Variants in LIG1 observed in about 807,000 individuals in gnomAD.
LIG1 encodes the protein ligase I, DNA, ATP-dependent.
Under a neutral mutation model 115.7 loss-of-function variants are expected in LIG1, and 70 were observed. That is an observed-to-expected ratio of 0.60 (90% CI 0.50 to 0.74). The LOEUF is 0.74. Ranked by LOEUF, LIG1 falls within the 30% of genes least tolerant of loss-of-function variation. The pLI is 0.00. For missense variants in LIG1, 1,115 were observed against 1,225.6 expected (o/e 0.91, Z 1.35); for synonymous variants, 487 against 495.3 (o/e 0.98, Z 0.22).
In LIG1 at chr19:48,137,180, C is replaced by T. The variant is rs1434712933; in HGVS notation, c.1255-96G>A. ...GCTGCTGCCCTGCATTTTGGAATACCTGCCCTCCTTCCCTCACCCCATCCC... is the reference window on the plus strand; with the variant it reads ...GCTGCTGCCCTGCATTTTGGAATACTTGCCCTCCTTCCCTCACCCCATCCC... On this transcript the variant is annotated intron_variant, in intron 13 of 27. Transcript: ENST00000263274. This position sits in a 1 kb window ranked among gnomAD's most constrained non-coding sequence, Gnocchi z 4.3. 2 of 1,047,038 alleles carry T rather than the reference C, an allele frequency of 1.9e-6. No homozygotes were observed. Among genetic ancestry groups the T allele is most frequent in the Non-Finnish European group, 2.9e-6 (2 of 687,636 alleles). The allele number at this position is 1,047,038 out of a possible 1,614,324, so 64.9% of individuals were successfully genotyped here. A position where few individuals can be genotyped will look rare whatever the true frequency, so the allele number is the denominator to read the frequency against.
At chr19:48,141,680 A>G (rs2034766926) in intron 11 of LIG1, among the ~76,000 whole-genome samples, 1 of 152,230 alleles carries the variant, frequency 6.6e-6, no homozygotes, top group African/African-American at 2.4e-5. Flanking sequence ...TCAAAGCTGG[A>G]AAGAATGGCT....
chr19:48,137,196 A>G lies in LIG1; in HGVS notation c.1255-112T>C. 1 of 925,246 alleles carries G rather than the reference A, an allele frequency of 1.1e-6. No homozygotes were observed. The highest frequency in any genetic ancestry group is 1.7e-6 in the Non-Finnish European group (1 of 581,928). 57.3% of individuals were successfully genotyped at this position (925,246 alleles called of 1,614,324 possible). Reference sequence around the variant, plus strand: ...TTGGAATACCTGCCCTCCTTCCCTCACCCCATCCCCATGTCCCAGCTCCCA... The same window carrying G: ...TTGGAATACCTGCCCTCCTTCCCTCGCCCCATCCCCATGTCCCAGCTCCCA... On this transcript the variant is annotated intron_variant, in intron 13 of 27. Coordinates refer to ENST00000263274, the MANE Select transcript of LIG1 (RefSeq NM_000234.3). This position sits in a 1 kb window ranked among gnomAD's most constrained non-coding sequence, Gnocchi z 4.3.
chr19:48,123,326 G>A lies in LIG1; in HGVS notation c.2005-8C>T, dbSNP rs763364446. 6.2e-7 allele frequency: 1 copy of A among 1,612,642 alleles called. No individual in the cohort carries two copies. Among genetic ancestry groups the A allele is most frequent in the Non-Finnish European group, 8.5e-7 (1 of 1,179,984 alleles). ...GGGCTCACGTACCAGGGACTGCAGGGCCGGCAGGGAGAAGAGAGATGAGAC... is the reference window on the plus strand; with the variant it reads ...GGGCTCACGTACCAGGGACTGCAGGACCGGCAGGGAGAAGAGAGATGAGAC... On this transcript the variant is annotated splice_region_variant and splice_polypyrimidine_tract_variant and intron_variant, in intron 21 of 27. Transcript: ENST00000263274.
chr19:48,145,679 G>A (rs902659776), intron 9 of LIG1, among the ~76,000 whole-genome samples: 2 of 152,152 alleles, frequency 1.3e-5, no homozygotes, highest in African/African-American at 2.4e-5. Context: ...TGGTGGGCAG[G>A]GGAGTCTAGA....
intron 12 of LIG1, among the ~76,000 whole-genome samples, chr19:48,139,588 C>A (rs2034606863): frequency 6.6e-6 from 1 of 152,174 alleles, no homozygotes; most frequent in African/African-American, 2.4e-5. Flanking sequence ...GCTGCTGGCC[C>A]CCCACACACC....
intron 6 of LIG1, among the ~76,000 whole-genome samples, chr19:48,152,296 TA>T (rs1273350918): frequency 1.3e-5 from 2 of 152,098 alleles, no homozygotes; most frequent in African/African-American, 4.8e-5. Flanking sequence ...CTAATTTTTA[TA>T]ATTTTGGTAG....
intron 1 of LIG1, among the ~76,000 whole-genome samples, chr19:48,169,440 T>C (rs1018049061): frequency 6.6e-6 from 1 of 152,232 alleles, no homozygotes; most frequent in African/African-American, 2.4e-5. Flanking sequence ...AAGATGGATA[T>C]ACTCTTTTCA....
intron 4 of LIG1, among the ~76,000 whole-genome samples, chr19:48,160,461 G>A (rs1216052109): frequency 6.6e-6 from 1 of 152,162 alleles, no homozygotes; most frequent in African/African-American, 2.4e-5. Context: ...GATGGGCGGG[G>A]GAAGAGAGGA....
chr19:48,159,239 G>A (rs528535462), intron 4 of LIG1, among the ~76,000 whole-genome samples: 3 of 151,954 alleles, frequency 2.0e-5, no homozygotes, highest in African/African-American at 4.8e-5. Flanking sequence ...CACCATGCCC[G>A]GCTAACTTTT....
chr19:48,166,492 G>A (rs930693453), intron 1 of LIG1, among the ~76,000 whole-genome samples: 8 of 151,796 alleles, frequency 5.3e-5, no homozygotes, highest in Non-Finnish European at 1.0e-4. Context: ...TAATGCTGTC[G>A]CCTCAGGAGG....
intron 9 of LIG1, among the ~76,000 whole-genome samples, chr19:48,145,471 T>C (rs1026880068): frequency 6.6e-6 from 1 of 152,088 alleles, no homozygotes; most frequent in Non-Finnish European, 1.5e-5. Flanking sequence ...CAGGCCTACA[T>C]CTGTACCAAA....
chr19:48,148,924 C>T (rs1414580378), intron 9 of LIG1, among the ~76,000 whole-genome samples: 2 of 152,280 alleles, frequency 1.3e-5, no homozygotes, highest in South Asian at 2.1e-4. Flanking sequence ...GGTTCATCCT[C>T]GTGGGCCGCC....
chr19:48,133,423 G>T (rs537329091), intron 17 of LIG1: 43 of 381,022 alleles, frequency 1.1e-4, no homozygotes, highest in South Asian at 1.1e-3. Context: ...AGCCACATTT[G>T]ATCACAGACA....
At position 48,137,229 on chromosome 19, in the gene LIG1, C is replaced by G. The variant is rs1317613200; in HGVS notation, c.1255-145G>C. 1.3e-6 allele frequency: 1 copy of G among 788,252 alleles called. No homozygotes were observed. Among genetic ancestry groups the G allele is most frequent in the South Asian group, 1.6e-5 (1 of 64,446 alleles). The allele number at this position is 788,252 out of a possible 1,614,324, so 48.8% of individuals were successfully genotyped here. On this transcript the variant is annotated intron_variant, in intron 13 of 27. Transcript: ENST00000263274. The surrounding 1 kb of genome is among the most constrained non-coding windows in gnomAD (Gnocchi z 4.3). ...CCCATGTCCCAGCTCCCATGGCCGC[C>G]CACTCTTAGGGCAGTAAGAACGAGC...
intron 4 of LIG1, 157 bp downstream of exon 4, chr19:48,161,215 G>T: frequency 9.3e-7 from 1 of 1,074,712 alleles, no homozygotes; most frequent in Non-Finnish European, 1.4e-6. Flanking sequence ...GGGCAATTAG[G>T]ACCAGGTTGT....
chr19:48,154,237 A>C, intron 5 of LIG1: 1 of 445,234 alleles, frequency 2.2e-6, no homozygotes, highest in Non-Finnish European at 4.2e-6. Context: ...ACAATGATGT[A>C]ATGTACTTGG....
At chr19:48,134,523 TG>T (rs1398087396) in intron 16 of LIG1, among the ~76,000 whole-genome samples, 1 of 152,138 alleles carries the variant, frequency 6.6e-6, no homozygotes, top group Non-Finnish European at 1.5e-5. Flanking sequence ...CTGGGGGTGG[TG>T]GCACGCGCCT....
chr19:48,125,980 T>C lies in LIG1; in HGVS notation c.2004+1297A>G, dbSNP rs891792346. Among the ~76,000 whole-genome samples the C allele has an allele frequency of 3.9e-5, 4 of 103,666 alleles. No individual in the cohort carries two copies. The South Asian group carries it at 1.4e-3, about 37-fold the overall frequency. 68.0% of individuals were successfully genotyped at this position (103,666 alleles called of 152,430 possible). The stretch of plus-strand genomic sequence containing the variant: ...TCCAGCCTGGGCAACAGAGTGAGAC[T>C]CCATCTCAAAAAAAAAAAAAAAAAA... On this transcript the variant is annotated intron_variant, in intron 21 of 27. Transcript: ENST00000263274.
chr19:48,127,757 T>A (rs985916425), intron 20 of LIG1, 153 bp downstream of exon 20: 10 of 776,170 alleles, frequency 1.3e-5, no homozygotes, highest in Middle Eastern at 7.2e-4. Flanking sequence ...ATGCGATGGC[T>A]GGAGCTGTGG....
Sources: allele counts gnomAD v4.1 joint callset (sites outside exome capture counted in the v4.1 genomes callset), GRCh38; gene constraint gnomAD v4.1.1; non-coding constraint Gnocchi (gnomAD v3.1); transcripts MANE v1.5; gene names NCBI Gene and HGNC (gene_info 2026-07-23, HGNC 2026-07-21).